SLC9A7: variants seen among roughly 807,000 people sequenced by gnomAD.
SLC9A7 encodes solute carrier family 9 member A7.
A neutral mutation model predicts 52.6 loss-of-function variants in SLC9A7; 19 were observed. The ratio of observed to expected loss-of-function variants is 0.36; its 90% CI spans 0.25 to 0.53. SLC9A7 has a LOEUF of 0.53. Ranked by LOEUF, SLC9A7 falls within the 20% of genes least tolerant of loss-of-function variation. The pLI is 0.91. For missense variants in SLC9A7, 455 were observed against 597.9 expected (o/e 0.76, Z 2.49); for synonymous variants, 226 against 252.1 (o/e 0.90, Z 0.98).
At chrX:46,674,224 A>T (rs773486174) in intron 3 of SLC9A7, among the ~76,000 whole-genome samples, 2 of 111,668 alleles carry the variant, frequency 1.8e-5, no homozygotes, top group Non-Finnish European at 3.8e-5. Flanking sequence ...AAATTAGATA[A>T]ATACATATTC....
rs1233726757 is a variant in SLC9A7, at chrX:46,710,301, C to T, written c.326-27766G>A. On this transcript the variant is annotated intron_variant, in intron 1 of 16. Transcript: ENST00000616978. ...GACAAGTGGGAAGACAGAAGGACTG[C>T]CATGTGACAAGAAGAACCGCATTCA... Among the ~76,000 whole-genome samples the T allele has an allele frequency of 3.6e-5, 4 of 111,741 alleles. No individual in the cohort carries two copies. In the Admixed American group the frequency reaches 3.8e-4, roughly 11 times the overall value.
Position 46,669,594 on chromosome X carries a change from C to G in SLC9A7, c.793+13G>C, listed in dbSNP as rs778165973. On this transcript the variant is annotated intron_variant, in intron 5 of 16. Coordinates refer to ENST00000616978, the MANE Select transcript of SLC9A7 (RefSeq NM_001257291.2). Reference sequence around the variant, plus strand: ...TATCATAATAATAAAGACAAATACACAAAGCCAAATACCTGGGTCAGTGGC... The same window carrying G: ...TATCATAATAATAAAGACAAATACAGAAAGCCAAATACCTGGGTCAGTGGC... The G allele has an allele frequency of 2.0e-6, 2 of 988,979 alleles. No individual in the cohort carries two copies. Among genetic ancestry groups the G allele is most frequent in the Non-Finnish European group, 2.8e-6 (2 of 718,651 alleles). The allele number at this position is 988,979 out of a possible 1,213,427, so 81.5% of individuals were successfully genotyped here. A position where few individuals can be genotyped will look rare whatever the true frequency, so the allele number is the denominator to read the frequency against.
Position 46,679,623 on chromosome X carries a change from G to A in SLC9A7, c.603+55C>T, listed in dbSNP as rs192469247. 5.8e-3 allele frequency: 5,397 copies of A among 934,806 alleles called. 15 individuals carry two copies. Among genetic ancestry groups the A allele is most frequent in the Non-Finnish European group, 5.5e-3 (3,624 of 661,704 alleles). 77.0% of individuals were successfully genotyped at this position (934,806 alleles called of 1,213,427 possible). On this transcript the variant is annotated intron_variant, in intron 3 of 16. Coordinates refer to ENST00000616978, the MANE Select transcript of SLC9A7 (RefSeq NM_001257291.2). ...GAAAAATAACTAGAAAATTATGCAG[G>A]TAAATTAACACAGAGATTCACATGA...
chrX:46,723,202 T>A (rs763244710), intron 1 of SLC9A7, among the ~76,000 whole-genome samples: 2 of 102,644 alleles, frequency 1.9e-5, no homozygotes, highest in South Asian at 8.9e-4. Flanking sequence ...TCATGTAATA[T>A]AAGGCTCATC....
At position 46,653,670 on chromosome X, in the gene SLC9A7, C is replaced by T. The variant is rs1350494855; in HGVS notation, c.1086G>A (p.Thr362=). The T allele has an allele frequency of 1.4e-5, 17 of 1,208,718 alleles. No homozygotes were observed. Among genetic ancestry groups the T allele is most frequent in the Non-Finnish European group, 1.9e-5 (17 of 894,678 alleles). ...TCCAGGACATGAGGAAGAACAGCGC[C>T]GTCTCCAGCAGGGGGAAGCAGTGCA... ...TKLHCFPLLE[T]ALFFLMSWST... is the part of the protein sequence containing the mutation. The change falls in exon 8 of 17, where the codon ACG becomes ACA. Residue 362 remains threonine (T), a synonymous_variant. Transcript: ENST00000616978.
In SLC9A7 at chrX:46,660,741, G is replaced by A. The variant is rs1221104663; in HGVS notation, c.1041+1275C>T. On this transcript the variant is annotated intron_variant, in intron 7 of 16. Transcript: ENST00000616978. ...AAACAACAGGTGCTGGAGAGGATGCGGAGAAATAGGAACACTTTTACACTG... is the reference window on the plus strand; with the variant it reads ...AAACAACAGGTGCTGGAGAGGATGCAGAGAAATAGGAACACTTTTACACTG... Among the ~76,000 whole-genome samples, 10 of 108,373 alleles carry A rather than the reference G, an allele frequency of 9.2e-5. 1 individual carries two copies. Among genetic ancestry groups the A allele is most frequent in the South Asian group, 8.5e-4 (2 of 2,344 alleles). 94.1% of individuals were successfully genotyped at this position (108,373 alleles called of 115,157 possible). A position where few individuals can be genotyped will look rare whatever the true frequency, so the allele number is the denominator to read the frequency against.
At chrX:46,635,349 A>G (rs1260727576) in intron 13 of SLC9A7, among the ~76,000 whole-genome samples, 1 of 111,838 alleles carries the variant, frequency 8.9e-6, no homozygotes, top group Non-Finnish European at 1.9e-5. Context: ...TATGTTGGCA[A>G]TACATTGCCT....
intron 1 of SLC9A7, among the ~76,000 whole-genome samples, chrX:46,738,083 GAAAGAAAGAAA>G (rs1945157843): frequency 2.8e-5 from 2 of 72,357 alleles, no homozygotes; most frequent in African/African-American, 7.7e-5. Context: ...AAGAAAGAAA[GAAAGAAAGAAA>G]GAAAGAAAGA....
chrX:46,643,208 A>G lies in SLC9A7; in HGVS notation c.1616+28T>C, dbSNP rs780090438. ...TCTCAGGAACGGTGACAACTGACAT[A>G]CTCAATTAGCCTTGGTTCCAAACCA... On this transcript the variant is annotated intron_variant, in intron 12 of 16. Coordinates refer to ENST00000616978, the MANE Select transcript of SLC9A7 (RefSeq NM_001257291.2). The G allele has an allele frequency of 3.4e-6, 4 of 1,182,428 alleles. No homozygotes were observed. The African/African-American group carries it at 7.0e-5, about 21-fold the overall frequency.
intron 1 of SLC9A7, among the ~76,000 whole-genome samples, chrX:46,737,879 C>A (rs1367148405): frequency 9.2e-6 from 1 of 108,146 alleles, no homozygotes; most frequent in Non-Finnish European, 1.9e-5. Flanking sequence ...TAAAAAAAAA[C>A]TAGCAAGTGT....
intron 1 of SLC9A7, among the ~76,000 whole-genome samples, chrX:46,728,886 G>C (rs1944983707): frequency 8.9e-6 from 1 of 112,244 alleles, no homozygotes; most frequent in Admixed American, 9.4e-5. Flanking sequence ...AAAGAAGCTA[G>C]AAAACAAAAG....
intron 1 of SLC9A7, among the ~76,000 whole-genome samples, chrX:46,748,115 G>A (rs1019552884): frequency 1.8e-5 from 2 of 111,097 alleles, no homozygotes; most frequent in East Asian, 5.6e-4. Context: ...GGGAGGCCGA[G>A]GTGGGTGAAT....
intron 16 of SLC9A7, among the ~76,000 whole-genome samples, chrX:46,609,732 A>T (rs1380857004): frequency 9.1e-6 from 1 of 110,033 alleles, no homozygotes; most frequent in East Asian, 2.9e-4. Context: ...AAAACAAAAA[A>T]AAACCCATGG....
chrX:46,631,644 C>G lies in SLC9A7; in HGVS notation c.1682G>C (p.Gly561Ala). The G allele has an allele frequency of 8.3e-7, 1 of 1,206,643 alleles. No individual in the cohort carries two copies. Among genetic ancestry groups the G allele is most frequent in the Non-Finnish European group, 1.1e-6 (1 of 891,392 alleles). ...TGGTGGGTCTTGATCGGGGTCAACA[C>G]CAACTCTGAAAGTCACCAGGGAGAA... ...NEHHWQYFRV[G>A]VDPDQDPPPN... Residue 561 changes from glycine (G) to alanine (A), a missense_variant, in exon 14 of 17, where the codon GGT becomes GCT. Physicochemically the swap from Gly to Ala is moderately conservative, Grantham distance 60 (BLOSUM62 0). Coordinates refer to ENST00000616978, the MANE Select transcript of SLC9A7 (RefSeq NM_001257291.2).
At chrX:46,729,324 CATA>C (rs1944991671) in intron 1 of SLC9A7, among the ~76,000 whole-genome samples, 1 of 112,268 alleles carries the variant, frequency 8.9e-6, no homozygotes, top group African/African-American at 3.2e-5. Context: ...TAGATTATAA[CATA>C]ATTCTAGTCT....
intron 1 of SLC9A7, among the ~76,000 whole-genome samples, chrX:46,711,899 T>TAC (rs57570264): frequency 0.085 from 7,745 of 90,972 alleles, 351 homozygotes; most frequent in South Asian, 0.18. Flanking sequence ...GCCTCTAAAT[T>TAC]ACACACACAC....
chrX:46,758,980 G>T lies in SLC9A7; in HGVS notation c.50C>A (p.Ala17Glu), dbSNP rs1216394659. The change falls in exon 1 of 17, where the codon GCG (alanine) becomes GAG (glutamate). Residue 17 changes from alanine (A) to glutamate (E), a missense_variant. Around this residue, in one of 3 missense-constraint regions of SLC9A7, gnomAD observed 304 missense variants for 417.8 expected, o/e 0.73. Coordinates refer to ENST00000616978, the MANE Select transcript of SLC9A7 (RefSeq NM_001257291.2). ...CAGCAGCAGCAGCCGCGGCGGCGGCGCCCCGGTAGCCCGACCCGAGCCAGG... is the reference window on the plus strand; with the variant it reads ...CAGCAGCAGCAGCCGCGGCGGCGGCTCCCCGGTAGCCCGACCCGAGCCAGG... ...ARPGSGRATGAPPPRLLLLPL... is the reference protein window; with the variant it reads ...ARPGSGRATGEPPPRLLLLPL... 1 of 1,022,964 alleles carries T rather than the reference G, an allele frequency of 9.8e-7. No homozygotes were observed. Among genetic ancestry groups the T allele is most frequent in the Admixed American group, 4.8e-5 (1 of 20,886 alleles). The allele number at this position is 1,022,964 out of a possible 1,213,427, so 84.3% of individuals were successfully genotyped here.
intron 15 of SLC9A7, among the ~76,000 whole-genome samples, chrX:46,616,686 T>C (rs746647865): frequency 3.6e-5 from 4 of 111,870 alleles, no homozygotes; most frequent in Non-Finnish European, 7.5e-5. Context: ...GTCTGAAAGC[T>C]ACCCTCCTTC....
Position 46,606,930 on chromosome X carries a change from G to A in SLC9A7, c.*22C>T. The A allele has an allele frequency of 2.5e-6, 3 of 1,210,485 alleles. No individual in the cohort carries two copies. The highest frequency in any genetic ancestry group is 3.0e-5 in the East Asian group (1 of 33,817). On this transcript the variant is annotated 3_prime_UTR_variant, in exon 17 of 17. Coordinates refer to ENST00000616978, the MANE Select transcript of SLC9A7 (RefSeq NM_001257291.2). ...CACCCCATCGGGAGCCTACCCCATC[G>A]CGCCAGGGCTTGGGGGGAAAGTCAA...
Sources: gnomAD v4.1 joint callset for allele counts (sites outside exome capture counted in the v4.1 genomes callset) on GRCh38, gnomAD v4.1.1 for gene constraint, gnomAD v4.1.1 regional missense constraint, MANE v1.5 for transcripts, NCBI Gene and HGNC (gene_info 2026-07-23, HGNC 2026-07-21) for gene names.